The following SORCS3 variants were observed in gnomAD, a reference collection of about 807,000 sequenced individuals.
The protein encoded by SORCS3 is sortilin related VPS10 domain containing receptor 3, also known as VPS10 domain-containing receptor SorCS3.
In SORCS3, 57 loss-of-function variants were observed where a neutral mutation model predicts 146.3. That is an observed-to-expected ratio of 0.39 (90% CI 0.31 to 0.49). The LOEUF (loss-of-function observed/expected upper bound fraction) is 0.49. Among genes scored for constraint, SORCS3 ranks in the 20% least tolerant of loss-of-function variants. SORCS3 has a pLI of 0.92. For synonymous variants in SORCS3, 653 were observed against 618.5 expected (o/e 1.06, Z -0.83); for missense variants, 1,341 against 1,575.5 (o/e 0.85, Z 2.52).
At chr10:104,846,697 G>A (rs1322929614) in intron 2 of SORCS3, among the ~76,000 whole-genome samples, 3 of 152,190 alleles carry the variant, frequency 2.0e-5, no homozygotes, top group African/African-American at 7.2e-5. Flanking sequence ...TTCTACTGGT[G>A]GTGGCCAAGG....
chr10:105,222,535 G>A (rs2056710103), intron 19 of SORCS3, among the ~76,000 whole-genome samples: 1 of 152,134 alleles, frequency 6.6e-6, no homozygotes, highest in African/African-American at 2.4e-5. Flanking sequence ...CTTTCTGCAA[G>A]CAGATTTCTT....
chr10:105,090,910 G>A (rs1412759875), intron 6 of SORCS3, among the ~76,000 whole-genome samples: 1 of 152,218 alleles, frequency 6.6e-6, no homozygotes, highest in Non-Finnish European at 1.5e-5. Flanking sequence ...AAAACTGCAT[G>A]TGCTTTCTGC....
At chr10:105,255,629 C>A in intron 23 of SORCS3, 73 bp from the exon 24 acceptor site, 4 of 1,004,584 alleles carry the variant, frequency 4.0e-6, no homozygotes, top group Non-Finnish European at 6.2e-6. Flanking sequence ...TGACCTTGTC[C>A]TTGGTTTCTT....
At chr10:105,150,699 A>G (rs752985200) in intron 9 of SORCS3, among the ~76,000 whole-genome samples, 1 of 152,190 alleles carries the variant, frequency 6.6e-6, no homozygotes, top group Admixed American at 6.6e-5. Flanking sequence ...ATGTAATACC[A>G]AGTGAATAAA....
chr10:105,134,194 C>T (rs1180057656), intron 7 of SORCS3, among the ~76,000 whole-genome samples: 1 of 152,176 alleles, frequency 6.6e-6, no homozygotes, highest in Non-Finnish European at 1.5e-5. Context: ...TTCTGAGGTT[C>T]AGATCTGTCT....
intron 1 of SORCS3, among the ~76,000 whole-genome samples, chr10:104,689,032 C>T (rs2016082907): frequency 6.6e-6 from 1 of 152,222 alleles, no homozygotes; most frequent in South Asian, 2.1e-4. Context: ...CCCTGCTGCT[C>T]CACCTACTTA....
intron 22 of SORCS3, among the ~76,000 whole-genome samples, chr10:105,252,152 C>T (rs1025447470): frequency 6.6e-6 from 1 of 152,092 alleles, no homozygotes; most frequent in Admixed American, 6.6e-5. Flanking sequence ...GTCTTTAGAA[C>T]AAACTCACCA....
At chr10:105,077,551 CACACACACACACACAG>C (rs1442557344) in intron 5 of SORCS3, among the ~76,000 whole-genome samples, 27 of 124,210 alleles carry the variant, frequency 2.2e-4, no homozygotes, top group Middle Eastern at 7.9e-3. Flanking sequence ...CACACACACA[CACACACACACACACAG>C]AGGGATGGTA....
intron 26 of SORCS3, 71 bp downstream of exon 26, chr10:105,262,562 C>A: frequency 1.3e-6 from 2 of 1,486,954 alleles, no homozygotes; most frequent in African/African-American, 1.4e-5. Flanking sequence ...CATCTGTCCC[C>A]CATACATTAC....
At chr10:104,820,116 T>C (rs551771376) in intron 1 of SORCS3, among the ~76,000 whole-genome samples, 124 of 152,292 alleles carry the variant, frequency 8.1e-4, no homozygotes, top group African/African-American at 2.8e-3. Context: ...GCTGCCTTAA[T>C]TGACACCCTC....
chr10:104,843,090 T>A (rs1328585255), intron 2 of SORCS3, among the ~76,000 whole-genome samples: 1 of 152,238 alleles, frequency 6.6e-6, no homozygotes, highest in African/African-American at 2.4e-5. Context: ...TCATTGCTTC[T>A]GTGCTTTTGG....
intron 7 of SORCS3, among the ~76,000 whole-genome samples, chr10:105,114,286 T>G (rs1203745759): frequency 6.6e-6 from 1 of 151,998 alleles, no homozygotes; most frequent in Non-Finnish European, 1.5e-5. Flanking sequence ...CTTCAAAAAT[T>G]TAAAACACAA....
chr10:105,142,111 C>T lies in SORCS3; in HGVS notation c.1302+2625C>T, dbSNP rs115901901. On this transcript the variant is annotated intron_variant, in intron 8 of 26. Transcript: ENST00000369701. ...AATATTGCCTTAAACCCTCACTTTA[C>T]CACGCTGAGCCTGATATACCCTCTT... Among the ~76,000 whole-genome samples, 793 of 152,230 alleles carry T rather than the reference C, an allele frequency of 5.2e-3. 8 individuals carry two copies. The highest frequency in any genetic ancestry group is 0.018 in the African/African-American group (752 of 41,546).
intron 1 of SORCS3, among the ~76,000 whole-genome samples, chr10:104,728,061 A>C (rs549044724): frequency 6.7e-6 from 1 of 149,234 alleles, no homozygotes; most frequent in South Asian, 2.1e-4. Context: ...CTATCTATCT[A>C]TCTATCTATC....
chr10:105,149,832 A>G (rs2056156057), intron 9 of SORCS3, among the ~76,000 whole-genome samples: 1 of 152,160 alleles, frequency 6.6e-6, no homozygotes, highest in Non-Finnish European at 1.5e-5. Flanking sequence ...TGACACAGTG[A>G]TATGGAATGA....
In SORCS3 at chr10:104,999,838, C is replaced by A. The variant is rs181561871; in HGVS notation, c.954+22345C>A. Reference sequence around the variant, plus strand: ...TCCAAAGTGGTTTCTCTGCTCCATCCCACTAGCTCCTTCTCCTGTGATTAT... The same window carrying A: ...TCCAAAGTGGTTTCTCTGCTCCATCACACTAGCTCCTTCTCCTGTGATTAT... On this transcript the variant is annotated intron_variant, in intron 4 of 26. Transcript: ENST00000369701. Among the ~76,000 whole-genome samples, 14 of 152,244 alleles carry A rather than the reference C, an allele frequency of 9.2e-5. No homozygotes were observed. The East Asian group carries it at 2.5e-3, about 27-fold the overall frequency.
chr10:105,252,401 A>C (rs1347478510), intron 22 of SORCS3, among the ~76,000 whole-genome samples: 1 of 152,174 alleles, frequency 6.6e-6, no homozygotes, highest in African/African-American at 2.4e-5. Flanking sequence ...TTGGTTTATG[A>C]CTTCTTTTTC....
At chr10:104,670,924 C>T (rs541876933) in intron 1 of SORCS3, among the ~76,000 whole-genome samples, 15 of 152,042 alleles carry the variant, frequency 9.9e-5, no homozygotes, top group Non-Finnish European at 2.2e-4. Flanking sequence ...ATTTTTACTG[C>T]TATTATAAAT....
intron 2 of SORCS3, among the ~76,000 whole-genome samples, chr10:104,860,458 T>A (rs996479692): frequency 9.8e-5 from 14 of 143,322 alleles, no homozygotes; most frequent in African/African-American, 2.1e-4. Context: ...TTAGGAGATA[T>A]ACCTAATGCT....
Sources: gnomAD v4.1 joint callset for allele counts (sites outside exome capture counted in the v4.1 genomes callset) on GRCh38, gnomAD v4.1.1 for gene constraint, MANE v1.5 for transcripts, NCBI Gene and HGNC (gene_info 2026-07-23, HGNC 2026-07-21) for gene names.